Variants in FOXP2 observed in about 807,000 individuals in gnomAD.
FOXP2 encodes forkhead box P2.
A neutral mutation model predicts 115.8 loss-of-function variants in FOXP2; 12 were observed. The observed-to-expected ratio is 0.10, with a 90% CI of 0.07 to 0.17. The LOEUF (loss-of-function observed/expected upper bound fraction) is 0.17, where lower values mean the gene tolerates loss of function less well. Ranked by LOEUF, FOXP2 falls within the 10% of genes least tolerant of loss-of-function variation. The pLI is 1.00. For missense variants in FOXP2, 629 were observed against 843.5 expected (o/e 0.75, Z 3.15); for synonymous variants, 328 against 297.7 (o/e 1.10, Z -1.05).
intron 2 of FOXP2, among the ~76,000 whole-genome samples, chr7:114,324,255 A>C (rs919002469): frequency 6.6e-6 from 1 of 151,812 alleles, no homozygotes; most frequent in Non-Finnish European, 1.5e-5. Flanking sequence ...TTTTATGTAC[A>C]GATACCATAT....
chr7:114,248,054 T>C (rs2064680008), intron 1 of FOXP2, among the ~76,000 whole-genome samples: 1 of 152,066 alleles, frequency 6.6e-6, no homozygotes. Flanking sequence ...CTGTTGATGG[T>C]GTCATGCCAG....
At chr7:114,342,348 T>C (rs1172292133) in intron 2 of FOXP2, among the ~76,000 whole-genome samples, 1 of 151,550 alleles carries the variant, frequency 6.6e-6, no homozygotes, top group East Asian at 1.9e-4. Flanking sequence ...CTTAAATACT[T>C]AAACATAAAA....
In FOXP2 at chr7:114,198,458, A is replaced by T. The variant is rs186246106; in HGVS notation, c.-102+35370A>T. ...AGGGGATAGGGCTGATGGTTTCATGATGAAACTTGGTTCCATCTGAGATCA... is the reference window on the plus strand; with the variant it reads ...AGGGGATAGGGCTGATGGTTTCATGTTGAAACTTGGTTCCATCTGAGATCA... On this transcript the variant is annotated intron_variant, in intron 1 of 17. Coordinates refer to the FOXP2 transcript ENST00000634411. Among the ~76,000 whole-genome samples, 676 of 152,318 alleles carry T rather than the reference A, an allele frequency of 4.4e-3. 8 individuals are homozygous for T. Among genetic ancestry groups the T allele is most frequent in the Non-Finnish European group, 4.0e-3 (270 of 68,032 alleles).
intron 1 of FOXP2, among the ~76,000 whole-genome samples, chr7:114,226,498 T>G (rs1196963624): frequency 1.3e-5 from 2 of 152,184 alleles, no homozygotes; most frequent in African/African-American, 4.8e-5. Flanking sequence ...GGCTAGGCTG[T>G]TTTACCTTTC....
rs769729974 is a variant in FOXP2, at chr7:114,629,998, C to G, written c.590C>G (p.Ala197Gly). The change falls in exon 5 of 17, where the codon GCG becomes GGG. Residue 197 changes from alanine to glycine, a missense_variant. Around this residue, in one of 9 missense-constraint regions of FOXP2, gnomAD observed 138 missense variants for 205.1 expected, o/e 0.67. Transcript: ENST00000350908. ...CAGCAACAGCATCCTGGAAAGCAAG[C>G]GAAAGAGGTAGGATCCGGTTATCTC... The part of the protein sequence containing the change: ...QQQQQHPGKQ[A>G]KEQQQQQQQQ... 2 of 1,590,792 alleles carry G rather than the reference C, an allele frequency of 1.3e-6. No individual in the cohort carries two copies. Among genetic ancestry groups the G allele is most frequent in the Admixed American group, 1.7e-5 (1 of 57,534 alleles).
At position 114,258,731 on chromosome 7, in the gene FOXP2, T is replaced by C. The variant is rs1325985409; in HGVS notation, c.-101-29288T>C. ...TATTTTGACATTGTCTTTTCTCAGGTTGAATGCAGAGAACTTCTCTGTCTT... is the reference window on the plus strand; with the variant it reads ...TATTTTGACATTGTCTTTTCTCAGGCTGAATGCAGAGAACTTCTCTGTCTT... On this transcript the variant is annotated intron_variant, in intron 1 of 17. Transcript: ENST00000634411. Among the ~76,000 whole-genome samples the C allele has an allele frequency of 5.3e-5, 8 of 152,334 alleles. No individual in the cohort carries two copies. In the East Asian group the frequency reaches 1.5e-3, roughly 29 times the overall value.
rs201310326 is a variant in FOXP2, at chr7:114,291,959, G to A, written c.-11+3850G>A. Among the ~76,000 whole-genome samples, 16 of 131,610 alleles carry A rather than the reference G, an allele frequency of 1.2e-4. No homozygotes were observed. The East Asian group carries it at 1.7e-3, about 14-fold the overall frequency. The allele number at this position is 131,610 out of a possible 152,430, so 86.3% of individuals were successfully genotyped here. A position where few individuals can be genotyped will look rare whatever the true frequency, so the allele number is the denominator to read the frequency against. On this transcript the variant is annotated intron_variant, in intron 2 of 17. Transcript: ENST00000634411. ...GAATATATATTATAGATAATATATAGAATATATATTATAGATAATATATAG... is the reference window on the plus strand; with the variant it reads ...GAATATATATTATAGATAATATATAAAATATATATTATAGATAATATATAG...
At chr7:114,591,465 T>C (rs1272008148) in intron 3 of FOXP2, among the ~76,000 whole-genome samples, 1 of 152,014 alleles carries the variant, frequency 6.6e-6, no homozygotes, top group African/African-American at 2.4e-5. Context: ...TTATAATACT[T>C]TTTATATTGA....
chr7:114,383,402 C>T (rs1439857126), intron 2 of FOXP2, among the ~76,000 whole-genome samples: 4 of 151,896 alleles, frequency 2.6e-5, no homozygotes, highest in South Asian at 2.1e-4. Context: ...CCTTTTGGAC[C>T]GTTTGGGTTG....
At chr7:114,450,461 T>C (rs1795024546) in intron 2 of FOXP2, among the ~76,000 whole-genome samples, 1 of 152,144 alleles carries the variant, frequency 6.6e-6, no homozygotes, top group African/African-American at 2.4e-5. Context: ...TAAAATTTGT[T>C]GAAATATGAG....
At chr7:114,333,381 T>G (rs1797761750) in intron 2 of FOXP2, among the ~76,000 whole-genome samples, 1 of 152,206 alleles carries the variant, frequency 6.6e-6, no homozygotes, top group African/African-American at 2.4e-5. Flanking sequence ...TCACTTAATT[T>G]TTTTCAGTGA....
upstream of FOXP2, among the ~76,000 whole-genome samples, chr7:114,162,454 G>C (rs934263660): frequency 1.3e-5 from 2 of 151,656 alleles, no homozygotes; most frequent in African/African-American, 2.4e-5. Flanking sequence ...TTTCTGGTCT[G>C]TTTCATGTTC....
At chr7:114,613,215 T>A (rs1016606760) in intron 3 of FOXP2, among the ~76,000 whole-genome samples, 1 of 152,164 alleles carries the variant, frequency 6.6e-6, no homozygotes, top group Non-Finnish European at 1.5e-5. Flanking sequence ...ATTCAAAAGG[T>A]ACAAAAAAGC....
chr7:114,203,428 A>T (rs1794123846), intron 1 of FOXP2, among the ~76,000 whole-genome samples: 1 of 151,922 alleles, frequency 6.6e-6, no homozygotes, highest in African/African-American at 2.4e-5. Flanking sequence ...TGTCTCCAGG[A>T]CTCAAGTGAT....
intron 2 of FOXP2, among the ~76,000 whole-genome samples, chr7:114,526,745 T>TC (rs1053366626): frequency 2.0e-5 from 3 of 152,126 alleles, no homozygotes; most frequent in African/African-American, 4.8e-5. Context: ...GAAGATAGTA[T>TC]CATTCATCCT....
intron 6 of FOXP2, among the ~76,000 whole-genome samples, chr7:114,632,611 G>T (rs769066343): frequency 9.2e-5 from 14 of 152,118 alleles, no homozygotes; most frequent in Non-Finnish European, 1.9e-4. Flanking sequence ...ACATTTTGCT[G>T]ATTCTAAAGG....
chr7:114,364,288 C>A (rs1791824906), intron 2 of FOXP2, among the ~76,000 whole-genome samples: 1 of 152,060 alleles, frequency 6.6e-6, no homozygotes, highest in Non-Finnish European at 1.5e-5. Context: ...TCGTGGAGGT[C>A]ATGGATTTCA....
chr7:114,417,634 C>A (rs917352473), intron 1 of FOXP2, among the ~76,000 whole-genome samples: 4 of 151,902 alleles, frequency 2.6e-5, no homozygotes, highest in African/African-American at 9.7e-5. Flanking sequence ...AATTTTCCAC[C>A]TCTGTTCACA....
intron 2 of FOXP2, among the ~76,000 whole-genome samples, chr7:114,398,192 T>TA (rs1792790966): frequency 6.6e-6 from 1 of 152,102 alleles, no homozygotes; most frequent in African/African-American, 2.4e-5. Context: ...ATATTTGCAG[T>TA]AAAAAATTAC....
Sources: allele counts gnomAD v4.1 joint callset (sites outside exome capture counted in the v4.1 genomes callset), GRCh38; gene constraint gnomAD v4.1.1; regional missense constraint gnomAD v4.1.1; transcripts MANE v1.5; gene names NCBI Gene and HGNC (gene_info 2026-07-23, HGNC 2026-07-21).